Variants in LDB2 observed in about 807,000 individuals in gnomAD.
The protein encoded by LDB2 is LIM domain-binding protein 2.
In LDB2, 12 loss-of-function variants were observed where a neutral mutation model predicts 44.3. The ratio of observed to expected loss-of-function variants is 0.27; its 90% CI spans 0.17 to 0.44. The LOEUF (loss-of-function observed/expected upper bound fraction) is 0.44, where lower values mean the gene tolerates loss of function less well. Ranked by LOEUF, LDB2 falls within the 20% of genes least tolerant of loss-of-function variation. The pLI is 1.00. For synonymous variants in LDB2, 164 were observed against 174.8 expected (o/e 0.94, Z 0.49); for missense variants, 344 against 473.5 (o/e 0.73, Z 2.54).
At chr4:16,729,792 G>A (rs57939774) in intron 2 of LDB2, among the ~76,000 whole-genome samples, 1,683 of 152,258 alleles carry the variant, frequency 0.011, 38 homozygotes, top group African/African-American at 0.039. Flanking sequence ...GTCTTTCTAA[G>A]GAGCACACAA....
intron 1 of LDB2, among the ~76,000 whole-genome samples, chr4:16,781,285 C>T (rs926190631): frequency 2.0e-5 from 3 of 152,186 alleles, no homozygotes; most frequent in African/African-American, 4.8e-5. Context: ...AGCTGTCATG[C>T]GCGGCAGTTT....
chr4:16,857,155 T>C (rs1561456125), intron 1 of LDB2, among the ~76,000 whole-genome samples: 1 of 152,202 alleles, frequency 6.6e-6, no homozygotes, highest in Non-Finnish European at 1.5e-5. Flanking sequence ...TCCTCAATGA[T>C]AATATGTTGT....
At chr4:16,635,465 T>G (rs916654714) in intron 2 of LDB2, among the ~76,000 whole-genome samples, 48 of 111,098 alleles carry the variant, frequency 4.3e-4, no homozygotes, top group Middle Eastern at 0.012. Context: ...TATCATCAGT[T>G]AAAAGAGTTT....
At chr4:16,520,739 A>G (rs1725755103) in intron 5 of LDB2, among the ~76,000 whole-genome samples, 1 of 152,120 alleles carries the variant, frequency 6.6e-6, no homozygotes, top group South Asian at 2.1e-4. Context: ...GTTGGGAAGG[A>G]GGTCATTGAC....
At chr4:16,522,992 A>G (rs568031911) in intron 5 of LDB2, among the ~76,000 whole-genome samples, 23 of 152,348 alleles carry the variant, frequency 1.5e-4, no homozygotes, top group African/African-American at 5.5e-4. Flanking sequence ...CAGTTCAGCC[A>G]AGGCACTAAA....
At chr4:16,506,714 G>C (rs1349498268) in intron 7 of LDB2, 3 of 151,224 alleles carry the variant, frequency 2.0e-5, no homozygotes, top group Non-Finnish European at 4.4e-5. Flanking sequence ...GCCATCCCTA[G>C]ATTAGACAGT....
chr4:16,583,653 C>A (rs11930251), intron 5 of LDB2, among the ~76,000 whole-genome samples: 3,438 of 152,290 alleles, frequency 0.023, 139 homozygotes, highest in African/African-American at 0.078. Flanking sequence ...CAGTGACCTA[C>A]CCCATATGGA....
chr4:16,690,193 AT>A (rs1338313271), intron 2 of LDB2, among the ~76,000 whole-genome samples: 3 of 152,094 alleles, frequency 2.0e-5, no homozygotes, highest in Admixed American at 2.0e-4. Flanking sequence ...TACACCAGCT[AT>A]TGCCAAGATT....
chr4:16,554,584 A>G (rs905618387), intron 5 of LDB2, among the ~76,000 whole-genome samples: 1 of 152,200 alleles, frequency 6.6e-6, no homozygotes, highest in Non-Finnish European at 1.5e-5. Context: ...ATAGAACACC[A>G]TTCAGCACTG....
chr4:16,630,128 C>T (rs1430300864), intron 2 of LDB2, among the ~76,000 whole-genome samples: 1 of 152,132 alleles, frequency 6.6e-6, no homozygotes, highest in Non-Finnish European at 1.5e-5. Flanking sequence ...CCCCAAAACA[C>T]ATAACTGTCA....
chr4:16,519,425 C>T (rs1429112663), intron 5 of LDB2, among the ~76,000 whole-genome samples: 1 of 151,932 alleles, frequency 6.6e-6, no homozygotes. Flanking sequence ...TGACTTCAAC[C>T]CTGTACTATT....
intron 7 of LDB2, 107 bp downstream of exon 7, chr4:16,508,428 G>T: frequency 9.3e-7 from 1 of 1,078,594 alleles, no homozygotes. Flanking sequence ...CCTCCAACCT[G>T]CCCAGGATTT....
At chr4:16,784,742 T>C (rs207700) in intron 1 of LDB2, among the ~76,000 whole-genome samples, 116,643 of 152,124 alleles carry the variant, frequency 0.77, 47,193 homozygotes, top group South Asian at 0.92. Context: ...TAGCCTGCCA[T>C]GGTAGCCCAC....
In LDB2 at chr4:16,672,227, C is replaced by T. The variant is rs145928581; in HGVS notation, c.236-76352G>A. Among the ~76,000 whole-genome samples, 667 of 152,320 alleles carry T rather than the reference C, an allele frequency of 4.4e-3. 4 individuals carry two copies. The highest frequency in any genetic ancestry group is 0.014 in the African/African-American group (599 of 41,574). On this transcript the variant is annotated intron_variant, in intron 2 of 7. Transcript: ENST00000304523. Reference sequence around the variant, plus strand: ...ACTAACCAACTCACTGAAGGTCACACAGCGTGTGAGTGGCAGAAATCTATT... The same window carrying T: ...ACTAACCAACTCACTGAAGGTCACATAGCGTGTGAGTGGCAGAAATCTATT...
chr4:16,690,237 T>C (rs1412618797), intron 2 of LDB2, among the ~76,000 whole-genome samples: 7 of 151,760 alleles, frequency 4.6e-5, no homozygotes, highest in African/African-American at 1.7e-4. Context: ...ACTTGAAAGG[T>C]CTATGGTTTT....
intron 5 of LDB2, among the ~76,000 whole-genome samples, chr4:16,546,630 C>T (rs146477814): frequency 3.0e-4 from 46 of 152,260 alleles, no homozygotes; most frequent in African/African-American, 1.1e-3. Context: ...CAGCTCCTTG[C>T]CACCCCCTTC....
At chr4:16,579,270 C>T (rs1259511691) in intron 5 of LDB2, among the ~76,000 whole-genome samples, 1 of 152,076 alleles carries the variant, frequency 6.6e-6, no homozygotes, top group Non-Finnish European at 1.5e-5. Context: ...ATGCCTGTAT[C>T]AAAATACCTC....
chr4:16,661,578 G>C (rs1028761867), intron 2 of LDB2, among the ~76,000 whole-genome samples: 8 of 152,164 alleles, frequency 5.3e-5, no homozygotes, highest in Admixed American at 3.9e-4. Flanking sequence ...AACAGTGTTT[G>C]GTACCTACTA....
rs557965613 is a variant in LDB2, at chr4:16,751,479, A to G, written c.235+7679T>C. Among the ~76,000 whole-genome samples the G allele has an allele frequency of 1.1e-4, 16 of 152,272 alleles. 1 individual carries two copies. In the South Asian group the frequency reaches 3.3e-3, roughly 32 times the overall value. ...CAATTTGCAACTTCTGATACTATCA[A>G]TTTGAAACCACAAATGGGAAGAGAT... On this transcript the variant is annotated intron_variant, in intron 2 of 7. Coordinates refer to ENST00000304523, the MANE Select transcript of LDB2 (RefSeq NM_001290.5).
Sources: allele counts gnomAD v4.1 joint callset (sites outside exome capture counted in the v4.1 genomes callset), GRCh38; gene constraint gnomAD v4.1.1; transcripts MANE v1.5; gene names NCBI Gene and HGNC (gene_info 2026-07-23, HGNC 2026-07-21).